Variants in LRIG1 observed in about 807,000 individuals in gnomAD.
The protein encoded by LRIG1 is leucine rich repeats and immunoglobulin like domains 1.
A neutral mutation model predicts 99.2 loss-of-function variants in LRIG1; 48 were observed. That is an observed-to-expected ratio of 0.48 (90% CI 0.38 to 0.62). LRIG1 has a LOEUF of 0.62. Among genes scored for constraint, LRIG1 ranks in the 20% least tolerant of loss-of-function variants. The pLI is 0.00. For missense variants in LRIG1, 1,646 were observed against 1,434.4 expected (o/e 1.15, Z -2.38); for synonymous variants, 772 against 596.1 (o/e 1.29, Z -4.30).
At chr3:66,455,379 G>C (rs1164527856) in intron 2 of LRIG1, among the ~76,000 whole-genome samples, 2 of 152,168 alleles carry the variant, frequency 1.3e-5, no homozygotes, top group Non-Finnish European at 2.9e-5. Context: ...TGCCTCCAAA[G>C]GGCAGCTCCT....
chr3:66,410,112 G>C lies in LRIG1; in HGVS notation c.935+17C>G. The stretch of plus-strand genomic sequence containing the variant: ...TGTCTAAAAACACTGCCACAGCCCA[G>C]AGCCGAGGACACTTACAACTCATGC... On this transcript the variant is annotated intron_variant, in intron 7 of 18. Transcript: ENST00000273261. 1.2e-6 allele frequency: 2 copies of C among 1,602,674 alleles called. No homozygotes were observed. The highest frequency in any genetic ancestry group is 1.7e-6 in the Non-Finnish European group (2 of 1,174,396).
chr3:66,414,196 G>A (rs1013839773), intron 5 of LRIG1, among the ~76,000 whole-genome samples: 1 of 152,218 alleles, frequency 6.6e-6, no homozygotes, highest in African/African-American at 2.4e-5. Context: ...AGGAGATCGA[G>A]ACCATCCTGG....
rs1285942427 is a variant in LRIG1, at chr3:66,415,054, TGCCA to T, written c.509_512del (p.Leu170GlnfsTer21). ...ACTCCAGGGTGCCAATCCGATTGCC[TGCCA>T]GGTTGCTGGAATGATTCAGAAAAGA... On this transcript the variant is annotated frameshift_variant, in exon 5 of 19. Coordinates refer to ENST00000273261, the MANE Select transcript of LRIG1 (RefSeq NM_015541.3). LOFTEE classifies it high-confidence loss of function. The T allele has an allele frequency of 6.3e-7, 1 of 1,597,000 alleles. No individual in the cohort carries two copies. The highest frequency in any genetic ancestry group is 8.5e-7 in the Non-Finnish European group (1 of 1,173,484).
intron 3 of LRIG1, among the ~76,000 whole-genome samples, chr3:66,449,566 G>A (rs1181533270): frequency 1.3e-5 from 2 of 152,232 alleles, no homozygotes; most frequent in Admixed American, 6.5e-5. Flanking sequence ...AGCAGAGCAA[G>A]GTGCAATTCT....
intron 1 of LRIG1, among the ~76,000 whole-genome samples, chr3:66,491,671 G>A (rs1388414483): frequency 6.6e-6 from 1 of 151,932 alleles, no homozygotes; most frequent in African/African-American, 2.4e-5. Flanking sequence ...CAATAAAGCT[G>A]TTAACTTAAA....
chr3:66,422,783 A>C (rs1702861255), intron 3 of LRIG1, among the ~76,000 whole-genome samples: 1 of 152,250 alleles, frequency 6.6e-6, no homozygotes, highest in South Asian at 2.1e-4. Flanking sequence ...CACGCTGCTG[A>C]TAAAGACACA....
At chr3:66,480,964 T>C (rs1700837646) in intron 1 of LRIG1, among the ~76,000 whole-genome samples, 1 of 152,200 alleles carries the variant, frequency 6.6e-6, no homozygotes, top group South Asian at 2.1e-4. Context: ...TAGCATGCTA[T>C]TTCTGGAAAG....
At chr3:66,443,206 C>T (rs1474248804) in intron 3 of LRIG1, among the ~76,000 whole-genome samples, 1 of 151,708 alleles carries the variant, frequency 6.6e-6, no homozygotes, top group African/African-American at 2.4e-5. Context: ...TATCCAGCAT[C>T]TGATGAGGCT....
At chr3:66,427,951 T>C (rs200339521) in intron 3 of LRIG1, among the ~76,000 whole-genome samples, 37 of 152,376 alleles carry the variant, frequency 2.4e-4, no homozygotes, top group East Asian at 7.7e-4. Context: ...TCTGGGTTGC[T>C]GCATTAGCAG....
chr3:66,425,692 C>T (rs1223540479), intron 3 of LRIG1, among the ~76,000 whole-genome samples: 2 of 152,122 alleles, frequency 1.3e-5, no homozygotes, highest in African/African-American at 2.4e-5. Context: ...TGATTCTGCA[C>T]TTATGGGGAC....
At chr3:66,410,710 C>T (rs1051611219) in intron 6 of LRIG1, among the ~76,000 whole-genome samples, 1 of 152,150 alleles carries the variant, frequency 6.6e-6, no homozygotes, top group Non-Finnish European at 1.5e-5. Flanking sequence ...GGCCAACAAA[C>T]GGGCACAGGA....
intron 9 of LRIG1, chr3:66,401,704 C>A (rs1052032170): frequency 6.7e-7 from 1 of 1,499,462 alleles, no homozygotes; most frequent in East Asian, 2.5e-5. Context: ...AAAGGAGAGG[C>A]GGGATTATGG....
At position 66,415,717 on chromosome 3, in the gene LRIG1, C is replaced by T. The variant is rs79111473; in HGVS notation, c.504-654G>A. Among the ~76,000 whole-genome samples, 997 of 152,248 alleles carry T rather than the reference C, an allele frequency of 6.5e-3. 12 individuals are homozygous for T. Among genetic ancestry groups the T allele is most frequent in the African/African-American group, 0.022 (911 of 41,538 alleles). ...CGTGACAATACAAAAAGGCAGACAC[C>T]GCTTCTCAAAAGGCACAGAAGTCTG... On this transcript the variant is annotated intron_variant, in intron 4 of 18. Transcript: ENST00000273261.
rs755095964 is a variant in LRIG1, at chr3:66,410,167, G to A, written c.897C>T (p.His299=). ...HLSNNSIARI[H]RKGWSFCQKL... is the part of the protein sequence containing the mutation. ...TCTGGCAGAAGCTCCAGCCCTTGCGGTGAATGCGAGCGATGGAATTGTTGC... is the reference window on the plus strand; with the variant it reads ...TCTGGCAGAAGCTCCAGCCCTTGCGATGAATGCGAGCGATGGAATTGTTGC... Residue 299 remains histidine, a synonymous_variant, in exon 7 of 19, where the codon CAC becomes CAT. Coordinates refer to ENST00000273261, the MANE Select transcript of LRIG1 (RefSeq NM_015541.3). The A allele has an allele frequency of 3.1e-6, 5 of 1,613,996 alleles. No individual in the cohort carries two copies. Among genetic ancestry groups the A allele is most frequent in the African/African-American group, 1.3e-5 (1 of 74,958 alleles).
chr3:66,446,217 G>A (rs1382642118), intron 3 of LRIG1, among the ~76,000 whole-genome samples: 1 of 152,068 alleles, frequency 6.6e-6, no homozygotes, highest in Non-Finnish European at 1.5e-5. Context: ...GGCCTTTGCT[G>A]CCTCAGATCC....
intron 1 of LRIG1, among the ~76,000 whole-genome samples, chr3:66,463,679 A>G (rs1227847652): frequency 1.3e-5 from 2 of 152,186 alleles, no homozygotes; most frequent in Non-Finnish European, 2.9e-5. Flanking sequence ...AACATTTTTC[A>G]TCTCAGCTAT....
chr3:66,467,079 C>A (rs1322044621), intron 1 of LRIG1, among the ~76,000 whole-genome samples: 1 of 152,182 alleles, frequency 6.6e-6, no homozygotes, highest in Non-Finnish European at 1.5e-5. Flanking sequence ...AGAGGCACCT[C>A]TGCAGAGGAC....
intron 3 of LRIG1, among the ~76,000 whole-genome samples, chr3:66,435,385 C>A (rs1436543416): frequency 1.3e-5 from 2 of 151,294 alleles, no homozygotes; most frequent in Admixed American, 1.3e-4. Context: ...AGGGTGAAAC[C>A]CCATCTCTAC....
chr3:66,419,521 G>T (rs891376331), intron 3 of LRIG1, among the ~76,000 whole-genome samples: 49 of 152,236 alleles, frequency 3.2e-4, no homozygotes, highest in African/African-American at 1.1e-3. Context: ...AAGGTGCCAG[G>T]GCGAATGTCT....
Sources: allele counts gnomAD v4.1 joint callset (sites outside exome capture counted in the v4.1 genomes callset), GRCh38; gene constraint gnomAD v4.1.1; transcripts MANE v1.5; gene names NCBI Gene and HGNC (gene_info 2026-07-23, HGNC 2026-07-21).